Variants in AK5 observed in about 807,000 individuals in gnomAD.
AK5 encodes the protein adenylate kinase isoenzyme 5.
A neutral mutation model predicts 69.5 loss-of-function variants in AK5; 27 were observed. The observed-to-expected ratio is 0.39, with a 90% confidence interval of 0.29 to 0.54. The LOEUF (loss-of-function observed/expected upper bound fraction) is 0.54. AK5 is among the 20% of genes least tolerant of loss of function. AK5 has a pLI of 0.71. For missense variants in AK5, 531 were observed against 700.4 expected (o/e 0.76, Z 2.73); for synonymous variants, 260 against 244.4 (o/e 1.06, Z -0.60).
At chr1:77,400,470 A>T (rs1298568820) in intron 6 of AK5, among the ~76,000 whole-genome samples, 1 of 152,222 alleles carries the variant, frequency 6.6e-6, no homozygotes, top group Admixed American at 6.5e-5. Context: ...CCTCTAATGC[A>T]GTGTGTGGCA....
intron 6 of AK5, among the ~76,000 whole-genome samples, chr1:77,409,320 T>C (rs950978807): frequency 6.6e-6 from 1 of 152,192 alleles, no homozygotes; most frequent in African/African-American, 2.4e-5. Context: ...CTGCTTTTAC[T>C]CTTCGAGGAA....
chr1:77,343,242 A>G lies in AK5; in HGVS notation c.891+2674A>G, dbSNP rs754652854. 2.2e-4 allele frequency among the ~76,000 whole-genome samples: 33 copies of G among 152,272 alleles called. 1 individual carries two copies. The highest frequency in any genetic ancestry group is 6.8e-3 in the Middle Eastern group (2 of 294). On this transcript the variant is annotated intron_variant, in intron 6 of 13. Transcript: ENST00000354567. The stretch of plus-strand genomic sequence containing the variant: ...CTGTCTCCACACTCCAATAGCATTA[A>G]TCACTTATCTCTGCACAAAGTTCTT...
intron 8 of AK5, among the ~76,000 whole-genome samples, chr1:77,471,865 A>T (rs1026233324): frequency 1.3e-5 from 2 of 152,228 alleles, no homozygotes; most frequent in African/African-American, 4.8e-5. Context: ...GGAGCATTGA[A>T]CATTGTCGGC....
At chr1:77,342,795 T>C (rs1256794856) in intron 6 of AK5, among the ~76,000 whole-genome samples, 1 of 152,078 alleles carries the variant, frequency 6.6e-6, no homozygotes, top group Non-Finnish European at 1.5e-5. Context: ...ATCTGGGGGT[T>C]AATAGATCAA....
intron 10 of AK5, among the ~76,000 whole-genome samples, chr1:77,506,873 C>G (rs544880746): frequency 6.6e-6 from 1 of 152,228 alleles, no homozygotes; most frequent in Non-Finnish European, 1.5e-5. Flanking sequence ...GTGGCACAAG[C>G]CTGTAATCCC....
chr1:77,357,311 C>G (rs1273679659), intron 6 of AK5, among the ~76,000 whole-genome samples: 2 of 152,136 alleles, frequency 1.3e-5, no homozygotes, highest in East Asian at 1.9e-4. Flanking sequence ...CTCTTAATCT[C>G]TCTAAGATGA....
intron 8 of AK5, among the ~76,000 whole-genome samples, chr1:77,470,226 C>T (rs1446570770): frequency 2.0e-5 from 3 of 152,128 alleles, no homozygotes; most frequent in South Asian, 2.1e-4. Context: ...CATCCCTGGC[C>T]GGGCGCAGTG....
At chr1:77,526,829 C>T (rs971557424) in intron 12 of AK5, among the ~76,000 whole-genome samples, 1 of 151,422 alleles carries the variant, frequency 6.6e-6, no homozygotes, top group Non-Finnish European at 1.5e-5. Context: ...CTCTTGAAAC[C>T]CTCAAATGAT....
chr1:77,402,116 T>A (rs1256780583), intron 6 of AK5, among the ~76,000 whole-genome samples: 1 of 152,218 alleles, frequency 6.6e-6, no homozygotes, highest in Non-Finnish European at 1.5e-5. Context: ...TCATCTGGTC[T>A]ATTGTCCTGC....
chr1:77,412,447 C>T (rs1650108808), intron 7 of AK5, among the ~76,000 whole-genome samples: 1 of 152,202 alleles, frequency 6.6e-6, no homozygotes, highest in Non-Finnish European at 1.5e-5. Context: ...AACTCTTCCA[C>T]TCCTGAGACC....
chr1:77,376,709 G>A (rs909156448), intron 6 of AK5, among the ~76,000 whole-genome samples: 1 of 152,148 alleles, frequency 6.6e-6, no homozygotes, highest in Non-Finnish European at 1.5e-5. Flanking sequence ...GGGAAGACGA[G>A]GTGAGAGGAT....
intron 2 of AK5, 193 bp from the exon 3 acceptor site, chr1:77,293,600 G>T: frequency 2.2e-6 from 1 of 454,470 alleles, no homozygotes; most frequent in East Asian, 3.7e-5. Flanking sequence ...GAAACTGCAC[G>T]GCTCTCAAAG....
At chr1:77,329,167 A>G (rs1188470438) in intron 5 of AK5, among the ~76,000 whole-genome samples, 1 of 147,332 alleles carries the variant, frequency 6.8e-6, no homozygotes, top group Non-Finnish European at 1.5e-5. Context: ...CAAAATAAAG[A>G]TTCATATACT....
chr1:77,341,061 A>G (rs931906765), intron 6 of AK5, among the ~76,000 whole-genome samples: 1 of 152,236 alleles, frequency 6.6e-6, no homozygotes, highest in Non-Finnish European at 1.5e-5. Flanking sequence ...TGTCATAAAG[A>G]AGTGATAATG....
chr1:77,285,508 A>ATATC (rs1168989909), intron 1 of AK5, among the ~76,000 whole-genome samples: 2 of 152,072 alleles, frequency 1.3e-5, no homozygotes, highest in Non-Finnish European at 2.9e-5. Context: ...ATTTAAACAG[A>ATATC]TGTCAGCCCT....
intron 13 of AK5, among the ~76,000 whole-genome samples, chr1:77,549,706 T>C (rs1659725712): frequency 6.6e-6 from 1 of 152,216 alleles, no homozygotes; most frequent in Non-Finnish European, 1.5e-5. Context: ...AAGTCTGTCT[T>C]TCTGTGCCTG....
chr1:77,421,422 G>A (rs1650805223), intron 8 of AK5, among the ~76,000 whole-genome samples: 1 of 152,130 alleles, frequency 6.6e-6, no homozygotes, highest in Non-Finnish European at 1.5e-5. Context: ...GATAGGCTAG[G>A]TTATGCTGGT....
intron 12 of AK5, among the ~76,000 whole-genome samples, chr1:77,530,478 A>G (rs535078414): frequency 2.5e-4 from 38 of 152,308 alleles, no homozygotes; most frequent in Admixed American, 1.5e-3. Flanking sequence ...ACTCTGGTAA[A>G]CATGCTGTAG....
rs34141642 is a variant in AK5, at chr1:77,374,418, C to CTTTTTTTTTTT, written c.891+33858_891+33868dup. Among the ~76,000 whole-genome samples, 2 of 138,800 alleles carry CTTTTTTTTTTT rather than the reference C, an allele frequency of 1.4e-5. 1 individual carries two copies. Among genetic ancestry groups the CTTTTTTTTTTT allele is most frequent in the African/African-American group, 5.3e-5 (2 of 37,554 alleles). The allele number at this position is 138,800 out of a possible 152,430, so 91.1% of individuals were successfully genotyped here. A position where few individuals can be genotyped will look rare whatever the true frequency, so the allele number is the denominator to read the frequency against. On this transcript the variant is annotated intron_variant, in intron 6 of 13. Coordinates refer to ENST00000354567, the MANE Select transcript of AK5 (RefSeq NM_174858.3). ...TCCTTTTATGCCAATTGAGGTAATG[C>CTTTTTTTTTTT]TTTTTTTTTTTTTTTTTTAAGAACC...
Sources: allele counts gnomAD v4.1 joint callset (sites outside exome capture counted in the v4.1 genomes callset), GRCh38; gene constraint gnomAD v4.1.1; transcripts MANE v1.5; gene names NCBI Gene and HGNC (gene_info 2026-07-23, HGNC 2026-07-21).